Variants in NECAB1 observed in about 807,000 individuals in gnomAD.
The protein encoded by NECAB1 is N-terminal EF-hand calcium-binding protein 1.
NECAB1 carries 29 observed loss-of-function variants against 57.5 expected under a neutral mutation model. The ratio of observed to expected loss-of-function variants is 0.50; its 90% CI spans 0.38 to 0.69. NECAB1 has a LOEUF of 0.69. NECAB1 is among the 30% of genes least tolerant of loss of function. The pLI is 0.00. For missense variants in NECAB1, 372 were observed against 413.8 expected (o/e 0.90, Z 0.88); for synonymous variants, 142 against 147.7 (o/e 0.96, Z 0.28).
chr8:90,863,146 A>T (rs553976018), intron 3 of NECAB1, among the ~76,000 whole-genome samples: 2 of 152,142 alleles, frequency 1.3e-5, no homozygotes, highest in South Asian at 4.1e-4. Flanking sequence ...TTTCACTCCC[A>T]ATCTTTCTCT....
intron 5 of NECAB1, among the ~76,000 whole-genome samples, chr8:90,905,052 T>C (rs1044760834): frequency 2.6e-5 from 4 of 151,774 alleles, no homozygotes; most frequent in Non-Finnish European, 4.4e-5. Context: ...CTTTAGAACA[T>C]AGTATGGCAT....
rs185432659 is a variant in NECAB1 at position 90,870,119 on chromosome 8, C to G, written c.234-2009C>G. 2.0e-5 allele frequency among the ~76,000 whole-genome samples: 3 copies of G among 152,262 alleles called. No individual in the cohort carries two copies. In the East Asian group the frequency reaches 5.8e-4, roughly 29 times the overall value. On this transcript the variant is annotated intron_variant, in intron 3 of 12. Coordinates refer to ENST00000417640, the MANE Select transcript of NECAB1 (RefSeq NM_022351.5). ...CCACCATGTAAGAGGTGTTCACTTCCCCTTTGCCTTCTGCCACGATTGTAA... is the reference window on the plus strand; with the variant it reads ...CCACCATGTAAGAGGTGTTCACTTCGCCTTTGCCTTCTGCCACGATTGTAA...
chr8:90,894,919 C>T (rs577972610), intron 5 of NECAB1, among the ~76,000 whole-genome samples: 2 of 152,182 alleles, frequency 1.3e-5, no homozygotes, highest in Admixed American at 1.3e-4. Flanking sequence ...CATGAGACTT[C>T]CCTTCATTTT....
At chr8:90,863,621 T>G (rs1053223356) in intron 3 of NECAB1, among the ~76,000 whole-genome samples, 3 of 152,168 alleles carry the variant, frequency 2.0e-5, no homozygotes, top group Non-Finnish European at 4.4e-5. Context: ...AAACAAGCCA[T>G]TTTATATAGA....
At chr8:90,905,790 A>G (rs1809626526) in intron 5 of NECAB1, among the ~76,000 whole-genome samples, 1 of 152,128 alleles carries the variant, frequency 6.6e-6, no homozygotes, top group African/African-American at 2.4e-5. Flanking sequence ...TCTATTTCAT[A>G]TTGTTCATCT....
intron 3 of NECAB1, among the ~76,000 whole-genome samples, chr8:90,847,744 A>T (rs1586055142): frequency 6.6e-6 from 1 of 152,138 alleles, no homozygotes; most frequent in Non-Finnish European, 1.5e-5. Flanking sequence ...TGGGGCTTGC[A>T]CCCTCAAAAG....
At chr8:90,824,413 TGG>T (rs1812192112) in intron 2 of NECAB1, among the ~76,000 whole-genome samples, 3 of 151,908 alleles carry the variant, frequency 2.0e-5, no homozygotes, top group Admixed American at 6.6e-5. Flanking sequence ...TTTGGTTATG[TGG>T]ACATCTTTCT....
chr8:90,839,162 ATATT>A (rs1459913168), intron 3 of NECAB1, among the ~76,000 whole-genome samples: 5 of 152,206 alleles, frequency 3.3e-5, no homozygotes, highest in African/African-American at 1.2e-4. Context: ...AAATCATTTT[ATATT>A]TATCTTTCTA....
chr8:90,799,867 T>C (rs1268788726), intron 1 of NECAB1, among the ~76,000 whole-genome samples: 1 of 152,232 alleles, frequency 6.6e-6, no homozygotes, highest in South Asian at 2.1e-4. Context: ...TTGATAGGAA[T>C]AGTATTGAAT....
intron 3 of NECAB1, among the ~76,000 whole-genome samples, chr8:90,862,137 A>G (rs1419118069): frequency 6.6e-6 from 1 of 152,204 alleles, no homozygotes; most frequent in Non-Finnish European, 1.5e-5. Flanking sequence ...CAATGAAGCA[A>G]TACTCTATAT....
chr8:90,866,990 TTGGA>T (rs2129829273), intron 3 of NECAB1, among the ~76,000 whole-genome samples: 1 of 152,286 alleles, frequency 6.6e-6, no homozygotes, highest in South Asian at 2.1e-4. Context: ...TAGCAAAGAC[TTGGA>T]ACCAACCCAA....
At position 90,859,962 on chromosome 8, in the gene NECAB1, C is replaced by A. The variant is rs1411067015; in HGVS notation, c.234-12166C>A. Among the ~76,000 whole-genome samples, 4 of 152,206 alleles carry A rather than the reference C, an allele frequency of 2.6e-5. No individual in the cohort carries two copies. In the Middle Eastern group the frequency reaches 0.01, roughly 388 times the overall value. On this transcript the variant is annotated intron_variant, in intron 3 of 12. Transcript: ENST00000417640. ...AATATTCTCTCCTGAAGCCAAACTC[C>A]CACAGCAACTTTACAAGTGAGCCTC...
intron 2 of NECAB1, among the ~76,000 whole-genome samples, chr8:90,809,958 G>T (rs1811928232): frequency 1.3e-5 from 2 of 152,058 alleles, no homozygotes; most frequent in South Asian, 2.1e-4. Context: ...GCTGTGTGAG[G>T]CATAATTTTA....
At chr8:90,879,541 G>A (rs1177878995) in intron 4 of NECAB1, among the ~76,000 whole-genome samples, 4 of 152,114 alleles carry the variant, frequency 2.6e-5, no homozygotes, top group Non-Finnish European at 4.4e-5. Flanking sequence ...AAATAAAAAT[G>A]AAGTAACAGC....
chr8:90,920,760 C>A (rs1214396390), intron 6 of NECAB1, among the ~76,000 whole-genome samples: 1 of 152,146 alleles, frequency 6.6e-6, no homozygotes, highest in African/African-American at 2.4e-5. Context: ...CTTATCTCAG[C>A]CCCTTCCTTG....
chr8:90,840,861 G>A (rs1812442132), intron 3 of NECAB1, among the ~76,000 whole-genome samples: 1 of 150,478 alleles, frequency 6.6e-6, no homozygotes, highest in Non-Finnish European at 1.5e-5. Context: ...GGATGTTGCT[G>A]CTATTTGTGG....
chr8:90,917,424 GA>G (rs34544744), intron 5 of NECAB1, 67 bp from the exon 6 acceptor site: 501,411 of 1,166,158 alleles, frequency 0.43, 70,634 homozygotes, highest in African/African-American at 0.82. Flanking sequence ...CATGGTAAAA[GA>G]AAAAAAAAAA....
At chr8:90,900,772 G>C (rs777566431) in intron 5 of NECAB1, among the ~76,000 whole-genome samples, 1 of 152,174 alleles carries the variant, frequency 6.6e-6, no homozygotes, top group Non-Finnish European at 1.5e-5. Flanking sequence ...CAAGATCCCT[G>C]TCAGGGTTTC....
At chr8:90,908,176 A>G (rs1296413706) in intron 5 of NECAB1, among the ~76,000 whole-genome samples, 1 of 152,200 alleles carries the variant, frequency 6.6e-6, no homozygotes, top group Non-Finnish European at 1.5e-5. Flanking sequence ...GAACAGTAAC[A>G]TTACAAATGA....
Sources: allele counts gnomAD v4.1 joint callset (sites outside exome capture counted in the v4.1 genomes callset), GRCh38; gene constraint gnomAD v4.1.1; transcripts MANE v1.5; gene names NCBI Gene and HGNC (gene_info 2026-07-23, HGNC 2026-07-21).